The following NR1H4 variants were observed in gnomAD, a reference collection of about 807,000 sequenced individuals.
NR1H4 encodes nuclear receptor subfamily 1 group H member 4.
Under a neutral mutation model 58.5 loss-of-function variants are expected in NR1H4, and 23 were observed. The observed-to-expected ratio is 0.39, with a 90% CI of 0.28 to 0.56. The LOEUF (loss-of-function observed/expected upper bound fraction) is 0.56, where lower values mean the gene tolerates loss of function less well. Ranked by LOEUF, NR1H4 falls within the 20% of genes least tolerant of loss-of-function variation. NR1H4 has a pLI of 0.58. For synonymous variants in NR1H4, 214 were observed against 198.0 expected (o/e 1.08, Z -0.68); for missense variants, 487 against 576.9 (o/e 0.84, Z 1.60).
intron 3 of NR1H4, among the ~76,000 whole-genome samples, chr12:100,509,601 T>A (rs751788907): frequency 8.4e-4 from 128 of 152,210 alleles, no homozygotes; most frequent in Non-Finnish European, 1.7e-3. Context: ...ATTCTCTGTT[T>A]TATTAGAAGA....
intron 3 of NR1H4, among the ~76,000 whole-genome samples, chr12:100,494,198 T>C (rs914574799): frequency 6.6e-6 from 1 of 152,234 alleles, no homozygotes; most frequent in African/African-American, 2.4e-5. Context: ...CAAAGTTCAA[T>C]GTATGAAGGC....
At chr12:100,510,286 A>G (rs1384489451) in intron 3 of NR1H4, among the ~76,000 whole-genome samples, 1 of 152,186 alleles carries the variant, frequency 6.6e-6, no homozygotes, top group Admixed American at 6.5e-5. Flanking sequence ...ACTGGAAAAT[A>G]TTGACAAATT....
rs374882606 is a variant in NR1H4 at position 100,541,257 on chromosome 12, C to T, written c.1078+439C>T. On this transcript the variant is annotated intron_variant, in intron 9 of 10. Transcript: ENST00000392986. ...AACATTTATATGTCATTTACTAGGT[C>T]TCAGACACTTTTCTTTCTTTTTTCT... 1.8e-4 allele frequency among the ~76,000 whole-genome samples: 27 copies of T among 151,704 alleles called. No homozygotes were observed. The South Asian group carries it at 2.3e-3, about 13-fold the overall frequency.
At chr12:100,493,468 T>C in intron 3 of NR1H4, 66 bp downstream of exon 3, 1 of 820,224 alleles carries the variant, frequency 1.2e-6, no homozygotes, top group Non-Finnish European at 2.1e-6. Context: ...CATGAGGAAA[T>C]GCCTAGATGA....
intron 3 of NR1H4, among the ~76,000 whole-genome samples, 171 bp from the exon 4 acceptor site, chr12:100,510,607 T>TTA (rs34480475): frequency 0.15 from 20,371 of 133,386 alleles, 1,661 homozygotes; most frequent in Non-Finnish European, 0.2. Context: ...TCATTTAATT[T>TTA]TATATATATA....
chr12:100,549,123 G>A (rs1383725433), intron 9 of NR1H4, among the ~76,000 whole-genome samples: 1 of 152,082 alleles, frequency 6.6e-6, no homozygotes, highest in African/African-American at 2.4e-5. Flanking sequence ...CAGATCACGA[G>A]GTCACAAGAT....
intron 9 of NR1H4, among the ~76,000 whole-genome samples, chr12:100,561,620 A>C (rs114416148): frequency 2.0e-5 from 3 of 152,222 alleles, no homozygotes; most frequent in African/African-American, 4.8e-5. Flanking sequence ...ATCATTGATT[A>C]TTAGTAGTGA....
intron 1 of NR1H4, among the ~76,000 whole-genome samples, chr12:100,475,620 T>C (rs1953252047): frequency 6.6e-6 from 1 of 152,230 alleles, no homozygotes; most frequent in Admixed American, 6.5e-5. Context: ...AATGTGTGTA[T>C]GTATGAGTGT....
intron 6 of NR1H4, among the ~76,000 whole-genome samples, chr12:100,536,104 C>G (rs1954806139): frequency 6.6e-6 from 1 of 152,050 alleles, no homozygotes; most frequent in South Asian, 2.1e-4. Context: ...ATGACTTCAC[C>G]AGGTGGAATT....
chr12:100,521,854 T>C (rs1954427931), intron 4 of NR1H4, among the ~76,000 whole-genome samples: 1 of 152,170 alleles, frequency 6.6e-6, no homozygotes, highest in Admixed American at 6.5e-5. Flanking sequence ...TTAATAATGA[T>C]CCTAATGAAT....
chr12:100,489,190 A>T (rs887282814), intron 1 of NR1H4, among the ~76,000 whole-genome samples: 14 of 152,240 alleles, frequency 9.2e-5, no homozygotes, highest in Non-Finnish European at 7.3e-5. Context: ...AAATCTGACT[A>T]TTATGAGATG....
intron 9 of NR1H4, among the ~76,000 whole-genome samples, chr12:100,544,536 GTTTAAC>G (rs981608743): frequency 2.6e-5 from 4 of 152,038 alleles, no homozygotes; most frequent in Admixed American, 6.6e-5. Flanking sequence ...TTGAAATCAT[GTTTAAC>G]TTTAATATTT....
intron 9 of NR1H4, among the ~76,000 whole-genome samples, chr12:100,541,469 A>T (rs1377486915): frequency 6.6e-6 from 1 of 152,044 alleles, no homozygotes; most frequent in African/African-American, 2.4e-5. Flanking sequence ...TTTAGTAGAG[A>T]CAGAGTTTCT....
intron 9 of NR1H4, among the ~76,000 whole-genome samples, chr12:100,545,641 CAAAAAAA>C (rs35404680): frequency 3.8e-4 from 3 of 7,860 alleles, no homozygotes; most frequent in African/African-American, 1.6e-3. Flanking sequence ...GACCTTGTCT[CAAAAAAA>C]AAAAAAAAAA....
intron 4 of NR1H4, among the ~76,000 whole-genome samples, chr12:100,522,157 A>G (rs1378873380): frequency 1.3e-5 from 2 of 151,456 alleles, no homozygotes; most frequent in African/African-American, 2.4e-5. Context: ...GGTGATGGTG[A>G]TGGTGGTGGT....
rs149411780 is a variant in NR1H4 at position 100,558,724 on chromosome 12, G to C, written c.1079-3161G>C. Among the ~76,000 whole-genome samples the C allele has an allele frequency of 2.8e-4, 42 of 152,322 alleles. No individual in the cohort carries two copies. In the East Asian group the frequency reaches 7.9e-3, roughly 29 times the overall value. ...AGAAAAGGGATATTTCAAGTAGAGAGCACAACATGTACAAAAACTGGGCAA... is the reference window on the plus strand; with the variant it reads ...AGAAAAGGGATATTTCAAGTAGAGACCACAACATGTACAAAAACTGGGCAA... On this transcript the variant is annotated intron_variant, in intron 9 of 10. Coordinates refer to ENST00000392986, the MANE Select transcript of NR1H4 (RefSeq NM_001206979.2).
At chr12:100,503,838 T>C (rs759425074) in intron 3 of NR1H4, among the ~76,000 whole-genome samples, 6 of 152,298 alleles carry the variant, frequency 3.9e-5, no homozygotes, top group Middle Eastern at 6.8e-3. Context: ...TTTAATGCAG[T>C]GCTCCTAAAA....
At position 100,524,647 on chromosome 12, in the gene NR1H4, A is replaced by G. The variant is rs1334438615; in HGVS notation, c.446-7811A>G. Among the ~76,000 whole-genome samples the G allele has an allele frequency of 5.9e-5, 9 of 152,142 alleles. 1 individual carries two copies. The South Asian group carries it at 1.0e-3, about 18-fold the overall frequency. ...AGCATTTTGTCAAAGAAATGAGTGC[A>G]TGTGATTCCAAAGTCAAATGGTAAG... On this transcript the variant is annotated intron_variant, in intron 4 of 10. Coordinates refer to ENST00000392986, the MANE Select transcript of NR1H4 (RefSeq NM_001206979.2).
intron 1 of NR1H4, among the ~76,000 whole-genome samples, chr12:100,488,672 G>A (rs1953545791): frequency 6.6e-6 from 1 of 152,144 alleles, no homozygotes; most frequent in Admixed American, 6.5e-5. Flanking sequence ...GAACAGGAAT[G>A]ATTAAAAAGT....
Sources: allele counts gnomAD v4.1 joint callset (sites outside exome capture counted in the v4.1 genomes callset), GRCh38; gene constraint gnomAD v4.1.1; transcripts MANE v1.5; gene names NCBI Gene and HGNC (gene_info 2026-07-23, HGNC 2026-07-21).